SH3BGR: variants seen among roughly 807,000 people sequenced by gnomAD.
SH3BGR encodes the protein SH3 domain binding glutamate rich protein.
SH3BGR carries 29 observed loss-of-function variants against 24.5 expected under a neutral mutation model. The ratio of observed to expected loss-of-function variants is 1.18; its 90% CI spans 0.88 to 1.61. The LOEUF (loss-of-function observed/expected upper bound fraction) is 1.61, where lower values mean the gene tolerates loss of function less well. Ranked by LOEUF, SH3BGR falls within the 40% of genes most tolerant of loss-of-function variation. SH3BGR has a pLI of 0.00. For missense variants in SH3BGR, 162 were observed against 205.8 expected (o/e 0.79, Z 1.30); for synonymous variants, 55 against 65.7 (o/e 0.84, Z 0.79).
upstream of SH3BGR, among the ~76,000 whole-genome samples, chr21:39,448,890 C>T (rs1364789307): frequency 2.0e-5 from 3 of 151,992 alleles, no homozygotes; most frequent in Admixed American, 6.6e-5. Flanking sequence ...CCTCAGTATG[C>T]GCCCCCACCC....
intron 3 of SH3BGR, chr21:39,488,498 T>C: frequency 3.1e-6 from 1 of 322,286 alleles, no homozygotes; most frequent in Non-Finnish European, 5.4e-6. Flanking sequence ...TCAGGAGTGA[T>C]GAGATGAATG....
chr21:39,458,485 G>A (rs1279654103), intron 1 of SH3BGR, among the ~76,000 whole-genome samples: 2 of 151,370 alleles, frequency 1.3e-5, no homozygotes, highest in African/African-American at 2.4e-5. Flanking sequence ...TTACAGATGC[G>A]TGCCACCACA....
chr21:39,468,286 G>A (rs966337645), intron 2 of SH3BGR, among the ~76,000 whole-genome samples: 4 of 152,312 alleles, frequency 2.6e-5, no homozygotes, highest in South Asian at 2.1e-4. Flanking sequence ...GAAATATGCC[G>A]TATGTGATAA....
chr21:39,501,039 C>A (rs575170499), intron 4 of SH3BGR, among the ~76,000 whole-genome samples: 11 of 152,186 alleles, frequency 7.2e-5, no homozygotes, highest in Non-Finnish European at 1.6e-4. Context: ...TGTTTCATGG[C>A]AGCCTGTATA....
chr21:39,458,689 C>T (rs2077705546), intron 1 of SH3BGR, among the ~76,000 whole-genome samples: 1 of 151,412 alleles, frequency 6.6e-6, no homozygotes, highest in East Asian at 1.9e-4. Context: ...CTCTTTCACC[C>T]AGGCTGGAGT....
intron 2 of SH3BGR, among the ~76,000 whole-genome samples, chr21:39,468,589 G>A (rs536656966): frequency 6.6e-6 from 1 of 152,206 alleles, no homozygotes; most frequent in Admixed American, 6.5e-5. Flanking sequence ...TAGGTGTGCA[G>A]CACCACACCT....
At chr21:39,467,636 A>G (rs758835652) in intron 2 of SH3BGR, among the ~76,000 whole-genome samples, 17 of 152,222 alleles carry the variant, frequency 1.1e-4, no homozygotes, top group Admixed American at 7.9e-4. Context: ...TAGATAGTCA[A>G]TGTCTCTTTC....
At chr21:39,493,439 A>G (rs534200032) in intron 3 of SH3BGR, among the ~76,000 whole-genome samples, 2 of 152,234 alleles carry the variant, frequency 1.3e-5, no homozygotes, top group Non-Finnish European at 2.9e-5. Context: ...ATTTGGTATT[A>G]TTTCTGGGTT....
intron 3 of SH3BGR, among the ~76,000 whole-genome samples, chr21:39,492,397 C>T (rs1468108591): frequency 4.6e-5 from 7 of 151,492 alleles, no homozygotes; most frequent in Non-Finnish European, 8.8e-5. Flanking sequence ...CAAGTTGCTG[C>T]GAATGCCATT....
chr21:39,455,787 C>G (rs1198170168), intron 1 of SH3BGR, among the ~76,000 whole-genome samples: 1 of 152,164 alleles, frequency 6.6e-6, no homozygotes, highest in African/African-American at 2.4e-5. Context: ...ACTCAAGTGC[C>G]CTGAATAGCG....
chr21:39,458,230 T>C (rs976731442), intron 1 of SH3BGR, among the ~76,000 whole-genome samples: 4 of 152,194 alleles, frequency 2.6e-5, no homozygotes, highest in Non-Finnish European at 5.9e-5. Flanking sequence ...TTTTGTGAGT[T>C]GTTTTTATAT....
At chr21:39,472,014 T>C (rs2077949346) in intron 2 of SH3BGR, among the ~76,000 whole-genome samples, 1 of 152,206 alleles carries the variant, frequency 6.6e-6, no homozygotes, top group Non-Finnish European at 1.5e-5. Context: ...CAATATCTGA[T>C]TCTGATTTTT....
intron 2 of SH3BGR, among the ~76,000 whole-genome samples, chr21:39,466,312 A>C (rs1228648867): frequency 6.6e-6 from 1 of 152,170 alleles, no homozygotes; most frequent in Non-Finnish European, 1.5e-5. Flanking sequence ...TTTATGGGTA[A>C]ATTGAACATC....
intron 3 of SH3BGR, among the ~76,000 whole-genome samples, chr21:39,477,755 A>T (rs1044685107): frequency 6.6e-6 from 1 of 152,072 alleles, no homozygotes; most frequent in Non-Finnish European, 1.5e-5. Context: ...TATTTTAGAA[A>T]TTTGTTTCTG....
intron 6 of SH3BGR, among the ~76,000 whole-genome samples, chr21:39,514,419 T>C (rs1041864254): frequency 1.3e-5 from 2 of 152,114 alleles, no homozygotes; most frequent in African/African-American, 4.8e-5. Flanking sequence ...CAGGCTGGAG[T>C]GCAGTGGTGA....
chr21:39,512,671 G>A (rs1303191641), intron 6 of SH3BGR, among the ~76,000 whole-genome samples: 5 of 151,978 alleles, frequency 3.3e-5, no homozygotes, highest in African/African-American at 7.2e-5. Context: ...TCATGCCTGC[G>A]GTCCCAGCTA....
At chr21:39,450,154 A>G (rs1024711298), upstream of SH3BGR, among the ~76,000 whole-genome samples, 1 of 152,214 alleles carries the variant, frequency 6.6e-6, no homozygotes, top group African/African-American at 2.4e-5. Context: ...GAAAATATAT[A>G]ATTGTATGAA....
Position 39,452,069 on chromosome 21 carries a change from G to C in SH3BGR, c.-28G>C. 1.2e-6 allele frequency: 2 copies of C among 1,612,068 alleles called. No individual in the cohort carries two copies. The highest frequency in any genetic ancestry group is 1.7e-6 in the Non-Finnish European group (2 of 1,178,452). On this transcript the variant is annotated 5_prime_UTR_variant, in exon 1 of 7. Transcript: ENST00000333634. The stretch of plus-strand genomic sequence containing the variant: ...GCGCATTCCCTGACAGGGGTGTGTT[G>C]GGGGGAGTCCTCTTTCCAACTGTCG...
At chr21:39,502,862 C>T (rs2078519111) in intron 4 of SH3BGR, among the ~76,000 whole-genome samples, 1 of 152,224 alleles carries the variant, frequency 6.6e-6, no homozygotes, top group South Asian at 2.1e-4. Context: ...CCTTGTGTTA[C>T]TTAAATGCCC....
Sources: allele counts gnomAD v4.1 joint callset (sites outside exome capture counted in the v4.1 genomes callset), GRCh38; gene constraint gnomAD v4.1.1; transcripts MANE v1.5; gene names NCBI Gene and HGNC (gene_info 2026-07-23, HGNC 2026-07-21).